The following PSD4 variants were observed in gnomAD, a reference collection of about 807,000 sequenced individuals.
PSD4 encodes the protein PH and SEC7 domain-containing protein 4.
In PSD4, 59 loss-of-function variants were observed where a neutral mutation model predicts 112.5. The ratio of observed to expected loss-of-function variants is 0.52; its 90% CI spans 0.43 to 0.65. The LOEUF is 0.65. PSD4 is among the 30% of genes least tolerant of loss of function. The probability of loss-of-function intolerance (pLI) is 0.00; values close to 1 mark genes in which losing one functional copy is unlikely to be tolerated. For synonymous variants in PSD4, 533 were observed against 540.0 expected, an observed-to-expected ratio of 0.99 and a Z score of 0.18; for missense variants, 1,267 against 1,352.6, an observed-to-expected ratio of 0.94 and a Z score of 0.99.
chr2:113,199,004 A>AG (rs1558658758), intron 15 of PSD4, 79 bp from the exon 16 acceptor site: 7 of 1,509,692 alleles, frequency 4.6e-6, no homozygotes, highest in African/African-American at 4.3e-5. Context: ...CGAGGCGGCC[A>AG]GGGGGGCGGC....
At chr2:113,175,913 C>T (rs990818072) in intron 1 of PSD4, among the ~76,000 whole-genome samples, 1 of 152,230 alleles carries the variant, frequency 6.6e-6, no homozygotes, top group African/African-American at 2.4e-5. Flanking sequence ...TCCAACTTTA[C>T]AACAAACCTG....
intron 16 of PSD4, 100 bp from the exon 17 acceptor site, chr2:113,201,058 G>A (rs929160807): frequency 4.3e-5 from 64 of 1,480,508 alleles, no homozygotes; most frequent in Middle Eastern, 5.0e-4. Context: ...GGTCTGTATC[G>A]CCATAGCTTC....
In PSD4 at chr2:113,182,346, G is replaced by T; in HGVS notation, c.-111G>T. ...CTGCACTTGCTTTGGGCATTTCCAG[G>T]GTAGATATGGATTCCCAGTTTCTCC... On this transcript the variant is annotated splice_region_variant and 5_prime_UTR_variant, in exon 2 of 17. Transcript: ENST00000245796. 1 of 1,072,006 alleles carries T rather than the reference G, an allele frequency of 9.3e-7. No individual in the cohort carries two copies. The highest frequency in any genetic ancestry group is 2.5e-5 in the East Asian group (1 of 40,372). 66.4% of individuals were successfully genotyped at this position (1,072,006 alleles called of 1,614,324 possible). A position where few individuals can be genotyped will look rare whatever the true frequency, so the allele number is the denominator to read the frequency against.
intron 6 of PSD4, 71 bp from the exon 7 acceptor site, chr2:113,192,977 G>C: frequency 6.7e-7 from 1 of 1,490,080 alleles, no homozygotes; most frequent in Non-Finnish European, 9.3e-7. Context: ...GCAGGCCCTG[G>C]GGGCCCCAGT....
chr2:113,183,450 TG>T lies in PSD4; in HGVS notation c.997del (p.Ala333ProfsTer38). On this transcript the variant is annotated frameshift_variant, in exon 2 of 17. Transcript: ENST00000245796. LOFTEE classifies it high-confidence loss of function. Reference sequence around the variant, plus strand: ...CATCTATAAACCACACTCCATCTGCTGGGCCTCAGTGGCTGCCGCTGAGGGG... The same window carrying T: ...CATCTATAAACCACACTCCATCTGCTGGCCTCAGTGGCTGCCGCTGAGGGG... ...VPIYKPHSICWASVAAAEGAP... is the reference protein window; with the variant it reads ...VPIYKPHSICXASVAAAEGAP... The T allele has an allele frequency of 6.3e-7, 1 of 1,589,814 alleles. No individual in the cohort carries two copies. The highest frequency in any genetic ancestry group is 8.6e-7 in the Non-Finnish European group (1 of 1,169,256).
intron 10 of PSD4, among the ~76,000 whole-genome samples, chr2:113,194,930 C>T (rs1185828923): frequency 6.6e-6 from 1 of 152,150 alleles, no homozygotes; most frequent in Non-Finnish European, 1.5e-5. Context: ...TTTTGCTAGG[C>T]ACCGCAAGAG....
intron 5 of PSD4, among the ~76,000 whole-genome samples, chr2:113,186,541 G>T (rs1434243210): frequency 6.6e-6 from 1 of 152,216 alleles, no homozygotes; most frequent in Admixed American, 6.5e-5. Context: ...AGAGGAGGAA[G>T]GGGAGGAGGT....
At chr2:113,180,559 G>C (rs569428825) in intron 1 of PSD4, among the ~76,000 whole-genome samples, 1 of 152,344 alleles carries the variant, frequency 6.6e-6, no homozygotes. Flanking sequence ...AAAGGGCAGA[G>C]AGAGCTGCAG....
chr2:113,200,711 G>A (rs1379959676), intron 16 of PSD4, among the ~76,000 whole-genome samples: 1 of 152,198 alleles, frequency 6.6e-6, no homozygotes, highest in Non-Finnish European at 1.5e-5. Flanking sequence ...GGGGCCTCAG[G>A]AGTACAGTGT....
chr2:113,189,187 A>G (rs1688386224), intron 5 of PSD4, among the ~76,000 whole-genome samples: 2 of 152,006 alleles, frequency 1.3e-5, no homozygotes, highest in South Asian at 4.1e-4. Flanking sequence ...GAGTTACTTC[A>G]CTTAGAATAA....
intron 1 of PSD4, among the ~76,000 whole-genome samples, chr2:113,180,059 C>T (rs1365184285): frequency 6.6e-6 from 1 of 152,218 alleles, no homozygotes; most frequent in Non-Finnish European, 1.5e-5. Flanking sequence ...GAAATGCATA[C>T]TGGCCCTCCT....
Position 113,201,424 on chromosome 2 carries a change from C to T in PSD4, c.*9C>T, listed in dbSNP as rs1353072947. On this transcript the variant is annotated 3_prime_UTR_variant, in exon 17 of 17. Transcript: ENST00000245796. ...ACCGCAATCAGCTGTGAAGCCAGCACCACCTCAGAGACACTGTTCCCTGCT... is the reference window on the plus strand; with the variant it reads ...ACCGCAATCAGCTGTGAAGCCAGCATCACCTCAGAGACACTGTTCCCTGCT... 2.5e-6 allele frequency: 4 copies of T among 1,612,794 alleles called. No individual in the cohort carries two copies. Among genetic ancestry groups the T allele is most frequent in the Non-Finnish European group, 3.4e-6 (4 of 1,179,788 alleles).
intron 5 of PSD4, among the ~76,000 whole-genome samples, chr2:113,190,405 C>A (rs1688413187): frequency 1.3e-5 from 2 of 152,044 alleles, no homozygotes; most frequent in South Asian, 4.1e-4. Flanking sequence ...GTGAATTGGG[C>A]GGTATGTGAA....
At position 113,182,564 on chromosome 2, in the gene PSD4, G is replaced by A. The variant is rs373937273; in HGVS notation, c.108G>A (p.Thr36=). 197 of 1,614,034 alleles carry A rather than the reference G, an allele frequency of 1.2e-4. No homozygotes were observed. The highest frequency in any genetic ancestry group is 1.4e-4 in the Non-Finnish European group (171 of 1,180,028). ...EPHPGECPRE[T]CSHEDPPEPF... ...ACCCAGGAGAGTGCCCAAGGGAAAC[G>A]TGCAGCCATGAGGATCCACCGGAGC... is the stretch of plus-strand genomic sequence containing the variant. Residue 36 remains threonine, a synonymous_variant, in exon 2 of 17, where the codon ACG becomes ACA. Transcript: ENST00000245796.
rs1178948475 is a variant in PSD4, at chr2:113,193,843, T to TTCTCCGTGGCTAC, written c.2092-15_2092-3dup. The TTCTCCGTGGCTAC allele has an allele frequency of 6.2e-7, 1 of 1,613,254 alleles. No homozygotes were observed. The highest frequency in any genetic ancestry group is 1.1e-5 in the South Asian group (1 of 91,060). On this transcript the variant is annotated splice_polypyrimidine_tract_variant and intron_variant, in intron 9 of 16. Coordinates refer to ENST00000245796, the MANE Select transcript of PSD4 (RefSeq NM_012455.3). ...GGGGTGTGTGCTCGAGTCATCCCACTTCTCCGTGGCTACAGAACATTGGGA... is the reference window on the plus strand; with the variant it reads ...GGGGTGTGTGCTCGAGTCATCCCACTTCTCCGTGGCTACTCTCCGTGGCTACAGAACATTGGGA...
At chr2:113,197,475 CA>C (rs1226692166) in intron 12 of PSD4, 88 bp from the exon 13 acceptor site, 5 of 1,383,540 alleles carry the variant, frequency 3.6e-6, no homozygotes, top group African/African-American at 2.9e-5. Flanking sequence ...GTGTGAGGGA[CA>C]GGGGGCATAT....
rs1573359226 is a variant in PSD4 at position 113,185,422 on chromosome 2, C to T, written c.1231C>T (p.Leu411Phe). 1 of 1,614,170 alleles carries T rather than the reference C, an allele frequency of 6.2e-7. No individual in the cohort carries two copies. The highest frequency in any genetic ancestry group is 1.3e-5 in the African/African-American group (1 of 75,036). The change falls in exon 4 of 17, where the codon CTT becomes TTT. Residue 411 changes from leucine to phenylalanine, a missense_variant. Coordinates refer to ENST00000245796, the MANE Select transcript of PSD4 (RefSeq NM_012455.3). Reference protein sequence around the residue: ...RGGPFWPQVTLNSQDRDEREG... With the variant: ...RGGPFWPQVTFNSQDRDEREG... ...AGGTCCTTTTTGGCCCCAGGTGACT[C>T]TTAACTCCCAGGACAGAGGTGAGCC...
chr2:113,183,251 C>T lies in PSD4; in HGVS notation c.795C>T (p.Cys265=). Residue 265 remains cysteine (C), a synonymous_variant, in exon 2 of 17, where the codon TGC becomes TGT. Coordinates refer to ENST00000245796, the MANE Select transcript of PSD4 (RefSeq NM_012455.3). ...CAGAGAACAGTGCTTCTGGAGAGTG[C>T]TTTTCCTGGGGGGCTTCAGACTCCC... ...PCSENSASGE[C]FSWGASDSHA... 1 of 1,614,182 alleles carries T rather than the reference C, an allele frequency of 6.2e-7. No individual in the cohort carries two copies. The highest frequency in any genetic ancestry group is 1.3e-5 in the African/African-American group (1 of 75,052).
chr2:113,185,574 T>G (rs1688275143), intron 4 of PSD4, 134 bp downstream of exon 4: 1 of 1,567,738 alleles, frequency 6.4e-7, no homozygotes, highest in Non-Finnish European at 8.7e-7. Context: ...CCAGACAGAC[T>G]TGGGGTTAAA....
Sources: allele counts gnomAD v4.1 joint callset (sites outside exome capture counted in the v4.1 genomes callset), GRCh38; gene constraint gnomAD v4.1.1; transcripts MANE v1.5; gene names NCBI Gene and HGNC (gene_info 2026-07-23, HGNC 2026-07-21).